CDH13: variants seen among roughly 807,000 people sequenced by gnomAD.
CDH13 encodes the protein cadherin-13.
CDH13 carries 24 observed loss-of-function variants against 63.8 expected under a neutral mutation model. The ratio of observed to expected loss-of-function variants is 0.38; its 90% CI spans 0.27 to 0.53. The LOEUF (loss-of-function observed/expected upper bound fraction) is 0.53. Ranked by LOEUF, CDH13 falls within the 20% of genes least tolerant of loss-of-function variation. The pLI, the probability that CDH13 is intolerant of heterozygous loss-of-function variation, is 0.85. For synonymous variants in CDH13, 503 were observed against 355.3 expected (o/e 1.42, Z -4.67); for missense variants, 1,049 against 903.1 (o/e 1.16, Z -2.07).
intron 5 of CDH13, among the ~76,000 whole-genome samples, chr16:83,267,639 G>A (rs1241224580): frequency 3.3e-5 from 5 of 152,014 alleles, no homozygotes; most frequent in Non-Finnish European, 7.4e-5. Context: ...GGATGAGTTC[G>A]GCCCCCTTCC....
At chr16:82,691,233 G>C (rs1597334393) in intron 1 of CDH13, among the ~76,000 whole-genome samples, 1 of 152,170 alleles carries the variant, frequency 6.6e-6, no homozygotes, top group East Asian at 1.9e-4. Context: ...TAGTTACTAT[G>C]CATCAGGTAC....
At chr16:83,528,463 T>C (rs902733317) in intron 7 of CDH13, among the ~76,000 whole-genome samples, 1 of 152,190 alleles carries the variant, frequency 6.6e-6, no homozygotes, top group Admixed American at 6.5e-5. Context: ...TAGTGAAACA[T>C]CAACTCCCAT....
chr16:82,684,245 C>A (rs73601067), intron 1 of CDH13, among the ~76,000 whole-genome samples: 1 of 152,156 alleles, frequency 6.6e-6, no homozygotes, highest in African/African-American at 2.4e-5. Context: ...GGATTCAGAA[C>A]GAAACGGTGA....
At chr16:83,305,632 G>A (rs1234943208) in intron 5 of CDH13, among the ~76,000 whole-genome samples, 1 of 152,186 alleles carries the variant, frequency 6.6e-6, no homozygotes, top group Non-Finnish European at 1.5e-5. Context: ...TGGAATACAG[G>A]CGACATGGCA....
At chr16:83,142,037 C>T (rs2036552662) in intron 4 of CDH13, among the ~76,000 whole-genome samples, 1 of 152,174 alleles carries the variant, frequency 6.6e-6, no homozygotes, top group South Asian at 2.1e-4. Context: ...AAGTTTCCCA[C>T]CTGTGTATCC....
chr16:83,683,299 A>G (rs1391756360), intron 10 of CDH13, among the ~76,000 whole-genome samples: 1 of 152,228 alleles, frequency 6.6e-6, no homozygotes, highest in East Asian at 1.9e-4. Flanking sequence ...TCTTATCCTT[A>G]TTATAAAGTT....
intron 6 of CDH13, among the ~76,000 whole-genome samples, chr16:83,375,477 G>A (rs182545663): frequency 6.6e-6 from 1 of 152,202 alleles, no homozygotes; most frequent in African/African-American, 2.4e-5. Context: ...GTTGTGTGCA[G>A]AGAAATATGT....
chr16:83,326,218 C>T (rs1185007962), intron 5 of CDH13, among the ~76,000 whole-genome samples: 1 of 152,104 alleles, frequency 6.6e-6, no homozygotes, highest in Non-Finnish European at 1.5e-5. Flanking sequence ...CGGACAACAA[C>T]AACAAATTAC....
Position 83,795,467 on chromosome 16 carries a change from C to G in CDH13, c.*437C>G, listed in dbSNP as rs1182228985. On this transcript the variant is annotated 3_prime_UTR_variant, in exon 14 of 14. Transcript: ENST00000567109. ...GGAGAAGCCTCGTTTTGATGCCATT[C>G]TTCCTTGCAAGGTTAAGCAAGGTGG... is the stretch of plus-strand genomic sequence containing the variant. The G allele has an allele frequency of 6.1e-6, 1 of 163,764 alleles. No homozygotes were observed. Among genetic ancestry groups the G allele is most frequent in the Non-Finnish European group, 1.3e-5 (1 of 75,066 alleles). 10.1% of individuals were successfully genotyped at this position (163,764 alleles called of 1,614,324 possible).
chr16:83,663,752 C>G (rs745626379), intron 8 of CDH13, among the ~76,000 whole-genome samples: 5 of 152,170 alleles, frequency 3.3e-5, no homozygotes, highest in Non-Finnish European at 7.4e-5. Context: ...CCTCTAGCAT[C>G]TGATTTCTTT....
chr16:82,811,569 A>T lies in CDH13; in HGVS notation c.46-46793A>T, dbSNP rs144495030. 3.6e-3 allele frequency among the ~76,000 whole-genome samples: 551 copies of T among 152,308 alleles called. 3 individuals carry two copies. The highest frequency in any genetic ancestry group is 0.012 in the African/African-American group (516 of 41,562). Reference sequence around the variant, plus strand: ...CCTGCTTAATTTTCGTTAGAGGGTAATGAAAATAAGGGTGCATTTTTCCAT... The same window carrying T: ...CCTGCTTAATTTTCGTTAGAGGGTATTGAAAATAAGGGTGCATTTTTCCAT... On this transcript the variant is annotated intron_variant, in intron 1 of 13. Transcript: ENST00000567109.
At chr16:83,356,630 A>G (rs1045696730) in intron 6 of CDH13, among the ~76,000 whole-genome samples, 2 of 152,126 alleles carry the variant, frequency 1.3e-5, no homozygotes, top group African/African-American at 4.8e-5. Context: ...ACCTTAATAT[A>G]TATATACAGT....
chr16:82,836,577 G>A (rs2038776858), intron 1 of CDH13, among the ~76,000 whole-genome samples: 1 of 152,176 alleles, frequency 6.6e-6, no homozygotes, highest in African/African-American at 2.4e-5. Flanking sequence ...GGCCTACAGA[G>A]ATCTTCATCT....
intron 6 of CDH13, chr16:83,397,926 C>T (rs1450702372): frequency 1.3e-5 from 2 of 152,206 alleles, no homozygotes; most frequent in African/African-American, 4.8e-5. Context: ...ATTTACTTAC[C>T]TGCTGGGAGA....
rs17676866 is a variant in CDH13 at position 83,229,846 on chromosome 16, A to G, written c.636+12349A>G. Among the ~76,000 whole-genome samples the G allele has an allele frequency of 6.7e-3, 1,016 of 152,296 alleles. 3 individuals are homozygous for G. The highest frequency in any genetic ancestry group is 0.012 in the Non-Finnish European group (784 of 68,020). ...TCTGCATGTGGGACCAAACTGAGCC[A>G]TGTTCAGTGTGCCAGACCAAACACT... On this transcript the variant is annotated intron_variant, in intron 5 of 13. Coordinates refer to ENST00000567109, the MANE Select transcript of CDH13 (RefSeq NM_001257.5).
intron 1 of CDH13, among the ~76,000 whole-genome samples, chr16:82,645,867 G>C (rs139093079): frequency 6.6e-6 from 1 of 152,190 alleles, no homozygotes; most frequent in Non-Finnish European, 1.5e-5. Context: ...AAGAAGCTAA[G>C]GTATTCGTAA....
At chr16:83,316,733 C>G (rs1477094696) in intron 5 of CDH13, among the ~76,000 whole-genome samples, 1 of 152,208 alleles carries the variant, frequency 6.6e-6, no homozygotes, top group Non-Finnish European at 1.5e-5. Flanking sequence ...TTCTGTAATG[C>G]ATTTGATTTT....
intron 4 of CDH13, among the ~76,000 whole-genome samples, chr16:83,183,890 G>A (rs2151747166): frequency 6.6e-6 from 1 of 152,222 alleles, no homozygotes; most frequent in African/African-American, 2.4e-5. Flanking sequence ...AGGTGAATTG[G>A]TTTTGACTAG....
intron 8 of CDH13, among the ~76,000 whole-genome samples, chr16:83,620,771 G>C (rs1329107354): frequency 6.6e-6 from 1 of 152,162 alleles, no homozygotes; most frequent in African/African-American, 2.4e-5. Flanking sequence ...GTAAGAGTCT[G>C]GCCTCTGCAT....
Sources: allele counts gnomAD v4.1 joint callset (sites outside exome capture counted in the v4.1 genomes callset), GRCh38; gene constraint gnomAD v4.1.1; transcripts MANE v1.5; gene names NCBI Gene and HGNC (gene_info 2026-07-23, HGNC 2026-07-21).